CACHD1: variants seen among roughly 807,000 people sequenced by gnomAD.
CACHD1 encodes VWFA and cache domain-containing protein 1.
Under a neutral mutation model 138.7 loss-of-function variants are expected in CACHD1, and 71 were observed. That is an observed-to-expected ratio of 0.51 (90% CI 0.42 to 0.62). CACHD1 has a LOEUF of 0.62. CACHD1 is among the 20% of genes least tolerant of loss of function. The probability of loss-of-function intolerance (pLI) is 0.00; values close to 1 mark genes in which losing one functional copy is unlikely to be tolerated. For synonymous variants in CACHD1, 578 were observed against 591.5 expected (o/e 0.98, Z 0.33); for missense variants, 1,389 against 1,625.3 (o/e 0.85, Z 2.50).
rs1471697376 is a variant in CACHD1, at chr1:64,602,913, G to A, written c.517+1G>A. 1.9e-6 allele frequency: 3 copies of A among 1,590,076 alleles called. No individual in the cohort carries two copies. The highest frequency in any genetic ancestry group is 2.6e-6 in the Non-Finnish European group (3 of 1,158,416). On this transcript the variant is annotated splice_donor_variant, in intron 4 of 26. Coordinates refer to ENST00000651257, the MANE Select transcript of CACHD1 (RefSeq NM_020925.4). LOFTEE classifies it high-confidence loss of function. Reference sequence around the variant, plus strand: ...AATCCAGGACGAGACTTAAATTCAGGTCAGTAATCCATTGGCTTTATAAAG... The same window carrying A: ...AATCCAGGACGAGACTTAAATTCAGATCAGTAATCCATTGGCTTTATAAAG...
rs369267030 is a variant in CACHD1, at chr1:64,663,828, G to T, written c.2085G>T (p.Pro695=). The T allele has an allele frequency of 8.6e-5, 139 of 1,613,914 alleles. No individual in the cohort carries two copies. The highest frequency in any genetic ancestry group is 1.1e-4 in the Non-Finnish European group (135 of 1,179,980). The change falls in exon 14 of 27, where the codon CCG becomes CCT. Residue 695 remains proline (P), a synonymous_variant. Transcript: ENST00000651257. ...ACAACACCCGCCTCATTGCTAACCC[G>T]GGCCTCAAAGTAAGCATTGGCGCAG... is the stretch of plus-strand genomic sequence containing the variant. The part of the protein sequence containing the change: ...LSDNTRLIAN[P]GLKFSVRNEV...
At chr1:64,613,244 A>G (rs2100599931) in intron 4 of CACHD1, among the ~76,000 whole-genome samples, 1 of 152,332 alleles carries the variant, frequency 6.6e-6, no homozygotes, top group South Asian at 2.1e-4. Context: ...TTGAGATGGA[A>G]TGTACTCCTA....
At chr1:64,628,285 C>G (rs982110604) in intron 4 of CACHD1, among the ~76,000 whole-genome samples, 1 of 152,178 alleles carries the variant, frequency 6.6e-6, no homozygotes, top group Non-Finnish European at 1.5e-5. Context: ...AATCTTCCCC[C>G]CACTGAATTT....
chr1:64,526,273 ATGGATGGTTTC>A (rs1646537824), intron 1 of CACHD1, among the ~76,000 whole-genome samples: 1 of 152,182 alleles, frequency 6.6e-6, no homozygotes, highest in Non-Finnish European at 1.5e-5. Context: ...ATTCTAAGTT[ATGGATGGTTTC>A]TCTTCTCTGT....
chr1:64,689,181 A>G (rs991014981), intron 26 of CACHD1, among the ~76,000 whole-genome samples: 5 of 152,152 alleles, frequency 3.3e-5, no homozygotes, highest in African/African-American at 1.2e-4. Flanking sequence ...ATGTCAGTGA[A>G]CACTTCCTCT....
intron 5 of CACHD1, among the ~76,000 whole-genome samples, chr1:64,629,914 T>G (rs1648242358): frequency 1.3e-5 from 2 of 152,176 alleles, no homozygotes; most frequent in African/African-American, 4.8e-5. Context: ...GAAATTTACA[T>G]GCAGATTTTA....
intron 1 of CACHD1, among the ~76,000 whole-genome samples, chr1:64,540,316 G>C (rs549827937): frequency 1.3e-5 from 2 of 152,038 alleles, no homozygotes; most frequent in African/African-American, 2.4e-5. Context: ...GGAGATCTAG[G>C]GGGTAGGGGT....
Position 64,490,763 on chromosome 1 carries a change from AC to A in CACHD1, c.198+19823del, listed in dbSNP as rs1646270160. Reference sequence around the variant, plus strand: ...ATCTGTAAAATAGGGATTTTACCCTACCTCAAAGGTTGTAGTGAAGACCAAA... The same window carrying A: ...ATCTGTAAAATAGGGATTTTACCCTACTCAAAGGTTGTAGTGAAGACCAAA... On this transcript the variant is annotated intron_variant, in intron 1 of 26. Transcript: ENST00000651257. Among the ~76,000 whole-genome samples the A allele has an allele frequency of 2.0e-5, 3 of 152,340 alleles. No homozygotes were observed. In the South Asian group the frequency reaches 6.2e-4, roughly 32 times the overall value.
chr1:64,622,588 C>T (rs1200477286), intron 4 of CACHD1, among the ~76,000 whole-genome samples: 1 of 152,156 alleles, frequency 6.6e-6, no homozygotes, highest in Non-Finnish European at 1.5e-5. Context: ...CAAGAATACT[C>T]AGTAAGTTTT....
intron 1 of CACHD1, among the ~76,000 whole-genome samples, chr1:64,502,554 CTA>C (rs1202940734): frequency 1.3e-5 from 2 of 151,898 alleles, no homozygotes; most frequent in Non-Finnish European, 2.9e-5. Context: ...GTGCATGCAT[CTA>C]TGTGTGTGTG....
chr1:64,513,206 G>A (rs953700861), intron 1 of CACHD1, among the ~76,000 whole-genome samples: 1 of 152,100 alleles, frequency 6.6e-6, no homozygotes, highest in Non-Finnish European at 1.5e-5. Flanking sequence ...GGCAGGGGAG[G>A]GGGCTGTCCT....
At position 64,664,199 on chromosome 1, in the gene CACHD1, A is replaced by G. The variant is rs1570463991; in HGVS notation, c.2095-299A>G. The G allele has an allele frequency of 1.3e-5, 6 of 461,754 alleles. No individual in the cohort carries two copies. The East Asian group carries it at 2.1e-4, about 16-fold the overall frequency. 28.6% of individuals were successfully genotyped at this position (461,754 alleles called of 1,614,324 possible). A position where few individuals can be genotyped will look rare whatever the true frequency, so the allele number is the denominator to read the frequency against. On this transcript the variant is annotated intron_variant, in intron 14 of 26. Transcript: ENST00000651257. ...AATATAAGTATAAAGTTTAAGGAAC[A>G]AAGCTTTAGGGTTAGTGTGTATATA...
chr1:64,480,457 C>G (rs1443576625), intron 1 of CACHD1, among the ~76,000 whole-genome samples: 2 of 151,980 alleles, frequency 1.3e-5, no homozygotes, highest in Non-Finnish European at 2.9e-5. Context: ...GAAAGTTTGG[C>G]TTAATGATTT....
At chr1:64,667,543 A>G (rs1649675713) in intron 16 of CACHD1, among the ~76,000 whole-genome samples, 1 of 152,236 alleles carries the variant, frequency 6.6e-6, no homozygotes, top group East Asian at 1.9e-4. Flanking sequence ...TACTTAGAAC[A>G]CATCCCTCAG....
chr1:64,532,526 A>G (rs771029722), intron 1 of CACHD1, among the ~76,000 whole-genome samples: 13 of 152,086 alleles, frequency 8.5e-5, no homozygotes, highest in African/African-American at 3.1e-4. Context: ...AGAAAGTGGA[A>G]TGGGGAGTAC....
At chr1:64,517,778 G>C (rs1646469456) in intron 1 of CACHD1, among the ~76,000 whole-genome samples, 1 of 152,198 alleles carries the variant, frequency 6.6e-6, no homozygotes, top group South Asian at 2.1e-4. Flanking sequence ...CCTGGACAGT[G>C]TAGCACCTTT....
At chr1:64,629,542 T>G in intron 5 of CACHD1, 61 bp downstream of exon 5, 1 of 1,559,202 alleles carries the variant, frequency 6.4e-7, no homozygotes, top group Non-Finnish European at 8.7e-7. Flanking sequence ...ACATGAAATA[T>G]AAAACTTCTC....
In CACHD1 at chr1:64,530,921, GTGTTT is replaced by G. The variant is rs149701053; in HGVS notation, c.199-19671_199-19667del. On this transcript the variant is annotated intron_variant, in intron 1 of 26. Coordinates refer to ENST00000651257, the MANE Select transcript of CACHD1 (RefSeq NM_020925.4). ...CTCAGATGTGTATCAACATTCCATC[GTGTTT>G]TTTTTTGTTTTTTTTTTTTTTAGAA... is the stretch of plus-strand genomic sequence containing the variant. Among the ~76,000 whole-genome samples the G allele has an allele frequency of 9.4e-3, 420 of 44,488 alleles. 3 individuals carry two copies. Among genetic ancestry groups the G allele is most frequent in the African/African-American group, 0.036 (402 of 11,064 alleles). The allele number at this position is 44,488 out of a possible 152,430, so 29.2% of individuals were successfully genotyped here.
chr1:64,566,490 C>CCCCT (rs1557496485), intron 2 of CACHD1, among the ~76,000 whole-genome samples: 1 of 143,338 alleles, frequency 7.0e-6, no homozygotes, highest in Admixed American at 6.9e-5. Flanking sequence ...CCCCCCCCCC[C>CCCCT]ACAAGGTATG....
Sources: gnomAD v4.1 joint callset for allele counts (sites outside exome capture counted in the v4.1 genomes callset) on GRCh38, gnomAD v4.1.1 for gene constraint, MANE v1.5 for transcripts, NCBI Gene and HGNC (gene_info 2026-07-23, HGNC 2026-07-21) for gene names.